The following TYSND1 variants were observed in gnomAD, a reference collection of about 807,000 sequenced individuals.
The protein encoded by TYSND1 is trypsin like peroxisomal matrix peptidase 1.
TYSND1 carries 30 observed loss-of-function variants against 37.2 expected under a neutral mutation model. The observed-to-expected ratio is 0.81, with a 90% CI of 0.60 to 1.09. TYSND1 has a LOEUF of 1.09. Ranked by LOEUF, TYSND1 falls within the 50% of genes least tolerant of loss-of-function variation. TYSND1 has a pLI of 0.00. For missense variants in TYSND1, 806 were observed against 817.4 expected (o/e 0.99, Z 0.17); for synonymous variants, 364 against 383.8 (o/e 0.95, Z 0.60).
chr10:70,146,342 C>A lies in TYSND1; in HGVS notation c.245G>T (p.Arg82Leu). 6.5e-7 allele frequency: 1 copy of A among 1,538,292 alleles called. No homozygotes were observed. Among genetic ancestry groups the A allele is most frequent in the Non-Finnish European group, 8.7e-7 (1 of 1,148,472 alleles). ...CGTTGGGGCCCACTGCACGTGCAGG[C>A]GCAGGTCGTCCCTGCAACTGTCGCC... is the stretch of plus-strand genomic sequence containing the variant. The part of the protein sequence containing the change: ...LPGDSCRDDL[R>L]LHVQWAPTAA... The change falls in exon 1 of 4, where the codon CGC becomes CTC. Residue 82 changes from arginine to leucine, a missense_variant. By Grantham distance (102) the Arg-to-Leu change is moderately radical. Transcript: ENST00000287078.
At position 70,145,951 on chromosome 10, in the gene TYSND1, G is replaced by A. The variant is rs1301031703; in HGVS notation, c.636C>T (p.Ala212=). The A allele has an allele frequency of 1.3e-6, 2 of 1,555,808 alleles. No individual in the cohort carries two copies. The highest frequency in any genetic ancestry group is 1.4e-5 in the African/African-American group (1 of 73,188). Residue 212 remains alanine, a synonymous_variant, in exon 1 of 4, where the codon GCC becomes GCT. Coordinates refer to ENST00000287078, the MANE Select transcript of TYSND1 (RefSeq NM_173555.4). The part of the protein sequence containing the change: ...GPAMAVSPLG[A]VPKGAPLLVC... Reference sequence around the variant, plus strand: ...CCAGCAATGGCGCACCCTTGGGCACGGCCCCGAGAGGCGACACCGCCATGG... The same window carrying A: ...CCAGCAATGGCGCACCCTTGGGCACAGCCCCGAGAGGCGACACCGCCATGG...
chr10:70,143,476 C>T (rs552928567), intron 2 of TYSND1, among the ~76,000 whole-genome samples: 159 of 152,340 alleles, frequency 1.0e-3, no homozygotes, highest in African/African-American at 3.6e-3. Flanking sequence ...ATCACTGTAT[C>T]ACACTGCCTC....
Position 70,140,018 on chromosome 10 carries a change from C to G in TYSND1, c.1607G>C (p.Gly536Ala). 1 of 1,614,218 alleles carries G rather than the reference C, an allele frequency of 6.2e-7. No homozygotes were observed. Among genetic ancestry groups the G allele is most frequent in the Non-Finnish European group, 8.5e-7 (1 of 1,180,032 alleles). The part of the protein sequence containing the change: ...LQQYSQTQDL[G>A]GLRELDRAAE... ...AGCGCGGTCCAGCTCACGGAGGCCACCTAGGTCTTGGGTCTGGCTGTACTG... is the reference window on the plus strand; with the variant it reads ...AGCGCGGTCCAGCTCACGGAGGCCAGCTAGGTCTTGGGTCTGGCTGTACTG... Residue 536 changes from glycine (G) to alanine (A), a missense_variant, in exon 4 of 4, where the codon GGT becomes GCT. Gly to Ala is a moderately conservative substitution (Grantham distance 60, BLOSUM62 0). Coordinates refer to ENST00000287078, the MANE Select transcript of TYSND1 (RefSeq NM_173555.4).
At chr10:70,141,216 C>A (rs112758586) in intron 3 of TYSND1, among the ~76,000 whole-genome samples, 5,307 of 147,256 alleles carry the variant, frequency 0.036, 119 homozygotes, top group East Asian at 0.059. Flanking sequence ...GCTAGAATTA[C>A]AAGTGCGAGC....
rs1217917674 is a variant in TYSND1, at chr10:70,145,742, GGCGCCACCACCA to G, written c.833_844del (p.Leu278_Ala281del). ...CCATTCGCCGGCCTTCCAACAGAGC[GGCGCCACCACCA>G]GCGCCACCAGCGCCCCCGCGGGCCG... On this transcript the variant is annotated inframe_deletion, in exon 1 of 4. Coordinates refer to ENST00000287078, the MANE Select transcript of TYSND1 (RefSeq NM_173555.4). 7.0e-7 allele frequency: 1 copy of G among 1,428,398 alleles called. No homozygotes were observed. 88.5% of individuals were successfully genotyped at this position (1,428,398 alleles called of 1,614,324 possible). A position where few individuals can be genotyped will look rare whatever the true frequency, so the allele number is the denominator to read the frequency against.
Position 70,138,156 on chromosome 10 carries a change from C to T in TYSND1, c.*1768G>A, listed in dbSNP as rs1429826948. Reference sequence around the variant, plus strand: ...ATCCAGAAGCTCTCTGAACCCTGTCCTCTTGGGTTTTTATGGAAGGTTCAT... The same window carrying T: ...ATCCAGAAGCTCTCTGAACCCTGTCTTCTTGGGTTTTTATGGAAGGTTCAT... On this transcript the variant is annotated 3_prime_UTR_variant, in exon 4 of 4. Transcript: ENST00000287078. The T allele has an allele frequency of 1.3e-5, 2 of 152,088 alleles. No homozygotes were observed. The highest frequency in any genetic ancestry group is 2.4e-5 in the African/African-American group (1 of 41,426). The allele number at this position is 152,088 out of a possible 1,614,324, so 9.4% of individuals were successfully genotyped here. A position where few individuals can be genotyped will look rare whatever the true frequency, so the allele number is the denominator to read the frequency against.
At chr10:70,144,727 C>T in intron 1 of TYSND1, 1 of 985,638 alleles carries the variant, frequency 1.0e-6, no homozygotes, top group Non-Finnish European at 1.2e-6. Context: ...CCTTCATCAT[C>T]AGTCTTCCCT....
At chr10:70,145,376 T>C (rs200098587) in intron 1 of TYSND1, 45 bp downstream of exon 1, 1 of 1,361,364 alleles carries the variant, frequency 7.3e-7, no homozygotes, top group Non-Finnish European at 9.5e-7. Context: ...GACCCAGATC[T>C]GAGACCTGGA....
In TYSND1 at chr10:70,146,266, C is replaced by G. The variant is rs1019754044; in HGVS notation, c.321G>C (p.Thr107=). The change falls in exon 1 of 4, where the codon ACG becomes ACC. Residue 107 remains threonine (T), a synonymous_variant. Coordinates refer to ENST00000287078, the MANE Select transcript of TYSND1 (RefSeq NM_173555.4). ...CGGGCTCGAGGCTCGCGCACTGGGGCGTGCACAGCCCTGGGCGGCCCCGCT... is the reference window on the plus strand; with the variant it reads ...CGGGCTCGAGGCTCGCGCACTGGGGGGTGCACAGCCCTGGGCGGCCCCGCT... ...GAERGRPGLC[T]PQCASLEPGP... is the part of the protein sequence containing the mutation. 1.4e-5 allele frequency: 21 copies of G among 1,475,750 alleles called. No homozygotes were observed. In the African/African-American group the frequency reaches 2.7e-4, roughly 19 times the overall value. The allele number at this position is 1,475,750 out of a possible 1,614,324, so 91.4% of individuals were successfully genotyped here.
At position 70,146,210 on chromosome 10, in the gene TYSND1, AG is replaced by A; in HGVS notation, c.376del (p.Leu126CysfsTer13). On this transcript the variant is annotated frameshift_variant, in exon 1 of 4. Transcript: ENST00000287078. LOFTEE classifies it high-confidence loss of function. ...CAGCTCAGCAGGAAGCCGGGGCTGCAGGGGACGCCCGCGGGACGGGGCAGGT... is the reference window on the plus strand; with the variant it reads ...CAGCTCAGCAGGAAGCCGGGGCTGCAGGGACGCCCGCGGGACGGGGCAGGT... ...GPPAPSRGRPLQPRLPAELLL... is the reference protein window; with the variant it reads ...GPPAPSRGRPXQPRLPAELLL... 6.6e-7 allele frequency: 1 copy of A among 1,520,728 alleles called. No individual in the cohort carries two copies. The highest frequency in any genetic ancestry group is 8.8e-7 in the Non-Finnish European group (1 of 1,139,130). 94.2% of individuals were successfully genotyped at this position (1,520,728 alleles called of 1,614,324 possible). A position where few individuals can be genotyped will look rare whatever the true frequency, so the allele number is the denominator to read the frequency against.
In TYSND1 at chr10:70,146,418, G is replaced by A. The variant is rs753543896; in HGVS notation, c.169C>T (p.Leu57=). 1 of 1,600,668 alleles carries A rather than the reference G, an allele frequency of 6.2e-7. No homozygotes were observed. The highest frequency in any genetic ancestry group is 8.5e-7 in the Non-Finnish European group (1 of 1,177,734). The change falls in exon 1 of 4, where the codon CTG becomes TTG. Residue 57 remains leucine, a synonymous_variant. Coordinates refer to ENST00000287078, the MANE Select transcript of TYSND1 (RefSeq NM_173555.4). ...LCHGGIFVPF[L]RAGSEVLTAA... Reference sequence around the variant, plus strand: ...GTCAGGACTTCGCTGCCAGCTCGCAGGAAGGGGACGAAGATGCCCCCGTGG... The same window carrying A: ...GTCAGGACTTCGCTGCCAGCTCGCAAGAAGGGGACGAAGATGCCCCCGTGG...
Position 70,140,250 on chromosome 10 carries a change from G to C in TYSND1, c.1484-109C>G, listed in dbSNP as rs74941649. ...GAGCCCCCAGGGCCTGGTAGGGCTG[G>C]ATACCACCCCACGTGGTGACAGACG... On this transcript the variant is annotated intron_variant, in intron 3 of 3. Coordinates refer to ENST00000287078, the MANE Select transcript of TYSND1 (RefSeq NM_173555.4). The C allele has an allele frequency of 3.9e-3, 3,295 of 843,616 alleles. 69 individuals carry two copies. In the African/African-American group the frequency reaches 0.051, roughly 13 times the overall value. 52.3% of individuals were successfully genotyped at this position (843,616 alleles called of 1,614,324 possible).
chr10:70,144,425 C>A, intron 1 of TYSND1: 1 of 990,204 alleles, frequency 1.0e-6, no homozygotes, highest in Non-Finnish European at 1.2e-6. Context: ...CACAACAATC[C>A]CGTCAGTTGG....
At chr10:70,144,719 TTCA>T in intron 1 of TYSND1, 1 of 985,614 alleles carries the variant, frequency 1.0e-6, no homozygotes, top group Non-Finnish European at 1.2e-6. Context: ...TAGGCAAACC[TTCA>T]TCATCAGTCT....
chr10:70,140,270 CAG>C (rs2072745654), intron 3 of TYSND1, 129 bp from the exon 4 acceptor site: 2 of 687,684 alleles, frequency 2.9e-6, no homozygotes, highest in Non-Finnish European at 4.9e-6. Flanking sequence ...CACGTGGTGA[CAG>C]ACGCTGAGCT....
intron 1 of TYSND1, 61 bp downstream of exon 1, chr10:70,145,360 G>C: frequency 7.5e-7 from 1 of 1,338,022 alleles, no homozygotes; most frequent in Non-Finnish European, 9.6e-7. Context: ...AAGAGTATTA[G>C]GGCTGGACCC....
chr10:70,146,396 A>G lies in TYSND1; in HGVS notation c.191T>C (p.Leu64Pro), dbSNP rs1839231382. The change falls in exon 1 of 4, where the codon CTG becomes CCG. Residue 64 changes from leucine (L) to proline (P), a missense_variant. Physicochemically the swap from Leu to Pro is moderately conservative, Grantham distance 98. Coordinates refer to ENST00000287078, the MANE Select transcript of TYSND1 (RefSeq NM_173555.4). Reference sequence around the variant, plus strand: ...CAGGAAGACGGCGCCGGCCGCGGTCAGGACTTCGCTGCCAGCTCGCAGGAA... The same window carrying G: ...CAGGAAGACGGCGCCGGCCGCGGTCGGGACTTCGCTGCCAGCTCGCAGGAA... ...VPFLRAGSEV[L>P]TAAGAVFLPG... 3.1e-6 allele frequency: 5 copies of G among 1,590,020 alleles called. No homozygotes were observed. The South Asian group carries it at 5.6e-5, about 18-fold the overall frequency.
Position 70,140,094 on chromosome 10 carries a change from G to A in TYSND1, c.1531C>T (p.Pro511Ser). The A allele has an allele frequency of 6.2e-7, 1 of 1,613,904 alleles. No individual in the cohort carries two copies. Among genetic ancestry groups the A allele is most frequent in the Non-Finnish European group, 8.5e-7 (1 of 1,179,798 alleles). The change falls in exon 4 of 4, where the codon CCC becomes TCC. Residue 511 changes from proline (P) to serine (S), a missense_variant. Around this residue, in one of 3 missense-constraint regions of TYSND1, gnomAD observed 708 missense variants for 705.4 expected, o/e 1.00. Coordinates refer to ENST00000287078, the MANE Select transcript of TYSND1 (RefSeq NM_173555.4). ...TRDNNTGATY[P>S]HLNFSIPITV... The stretch of plus-strand genomic sequence containing the variant: ...ATGGGAATGCTGAAGTTCAGGTGGG[G>A]GTAGGTGGCCCCCGTATTATTGTCC...
chr10:70,145,508 A>C lies in TYSND1; in HGVS notation c.1079T>G (p.Val360Gly). ...VECGTVWGSGVAVAPRLVVTC... is the reference protein window; with the variant it reads ...VECGTVWGSGGAVAPRLVVTC... ...CACTACAAGGCGGGGTGCCACAGCC[A>C]CTCCGGAGCCCCATACGGTGCCGCA... Residue 360 changes from valine (V) to glycine (G), a missense_variant, in exon 1 of 4, where the codon GTG (valine) becomes GGG (glycine). By Grantham distance (109) the Val-to-Gly change is moderately radical. Around this residue, in one of 3 missense-constraint regions of TYSND1, gnomAD observed 708 missense variants for 705.4 expected, o/e 1.00. Transcript: ENST00000287078. 6.5e-7 allele frequency: 1 copy of C among 1,528,356 alleles called. No individual in the cohort carries two copies. Among genetic ancestry groups the C allele is most frequent in the Non-Finnish European group, 8.7e-7 (1 of 1,143,966 alleles). 94.7% of individuals were successfully genotyped at this position (1,528,356 alleles called of 1,614,324 possible).
Sources: allele counts gnomAD v4.1 joint callset (sites outside exome capture counted in the v4.1 genomes callset), GRCh38; gene constraint gnomAD v4.1.1; regional missense constraint gnomAD v4.1.1; transcripts MANE v1.5; gene names NCBI Gene and HGNC (gene_info 2026-07-23, HGNC 2026-07-21).